The following RIPPLY2 variants were observed in gnomAD, a reference collection of about 807,000 sequenced individuals.
The protein encoded by RIPPLY2 is ripply transcriptional repressor 2, also known as protein ripply2.
In RIPPLY2, 20 loss-of-function variants were observed where a neutral mutation model predicts 17.7. The ratio of observed to expected loss-of-function variants is 1.13; its 90% confidence interval spans 0.79 to 1.64. The LOEUF is 1.64. Ranked by LOEUF, RIPPLY2 falls within the 40% of genes most tolerant of loss-of-function variation. RIPPLY2 has a pLI of 0.00. For missense variants in RIPPLY2, 213 were observed against 169.8 expected, an observed-to-expected ratio of 1.25 and a Z score of -1.41; for synonymous variants, 69 against 63.9, an observed-to-expected ratio of 1.08 and a Z score of -0.38.
chr6:83,857,164 G>T (rs1331126651), intron 3 of RIPPLY2, 78 bp from the exon 4 acceptor site: 4 of 902,302 alleles, frequency 4.4e-6, no homozygotes, highest in Non-Finnish European at 6.4e-6. Context: ...AATATATGGA[G>T]CTCTTGAAAT....
intron 1 of RIPPLY2, 76 bp downstream of exon 1, chr6:83,853,587 T>C: frequency 1.3e-6 from 2 of 1,537,024 alleles, no homozygotes; most frequent in Non-Finnish European, 8.7e-7. Flanking sequence ...GCTCCTCCCC[T>C]CCAACTCTCC....
rs555245644 is a variant in RIPPLY2 at position 83,854,167 on chromosome 6, T to C, written c.239+6T>C. 1.2e-6 allele frequency: 2 copies of C among 1,613,268 alleles called. No individual in the cohort carries two copies. Among genetic ancestry groups the C allele is most frequent in the Admixed American group, 3.3e-5 (2 of 60,022 alleles). ...CAATTCAGGCACCCAGTCAGGTGAG[T>C]GACAGGCCTCGCCGAAGGTCTCCCG... On this transcript the variant is annotated splice_donor_region_variant and intron_variant, in intron 3 of 3. Coordinates refer to ENST00000369689, the MANE Select transcript of RIPPLY2 (RefSeq NM_001009994.3).
Position 83,853,756 on chromosome 6 carries a change from A to G in RIPPLY2, c.157A>G (p.Asn53Asp). Residue 53 changes from asparagine (N) to aspartate (D), a missense_variant, in exon 2 of 4, where the codon AAC becomes GAC. Transcript: ENST00000369689. ...AGGCAAGAAAGAAGAGGAGACGCCG[A>G]ACCACGCCGCGGAGGCGGTGAGTGA... ...AGGKKEEETP[N>D]HAAEAMPDGP... 1 of 1,613,094 alleles carries G rather than the reference A, an allele frequency of 6.2e-7. No homozygotes were observed. Among genetic ancestry groups the G allele is most frequent in the Non-Finnish European group, 8.5e-7 (1 of 1,179,840 alleles).
rs758412345 is a variant in RIPPLY2, at chr6:83,857,369, G to T, written c.367G>T (p.Asp123Tyr). The T allele has an allele frequency of 5.7e-6, 9 of 1,576,428 alleles. No homozygotes were observed. The South Asian group carries it at 1.1e-4, about 19-fold the overall frequency. ...EDSDSEDEIE[D>Y]LTCEN ...TTCTGATAGCGAAGATGAAATTGAG[G>T]ATCTGACCTGTGAAAATTAATCTGA... The change falls in exon 4 of 4, where the codon GAT becomes TAT. Residue 123 changes from aspartate to tyrosine, a missense_variant. Coordinates refer to ENST00000369689, the MANE Select transcript of RIPPLY2 (RefSeq NM_001009994.3).
intron 2 of RIPPLY2, 116 bp downstream of exon 2, chr6:83,853,889 T>A: frequency 9.3e-7 from 1 of 1,070,926 alleles, no homozygotes; most frequent in African/African-American, 1.6e-5. Context: ...GCCTCTCGCT[T>A]AACATCCCGC....
chr6:83,853,803 C>T, intron 2 of RIPPLY2, 30 bp downstream of exon 2: 2 of 1,587,362 alleles, frequency 1.3e-6, no homozygotes, highest in Non-Finnish European at 1.7e-6. Flanking sequence ...CAGGCCGCGC[C>T]TCCCACGGGT....
intron 3 of RIPPLY2, chr6:83,854,585 A>C (rs960694389): frequency 5.9e-6 from 1 of 168,856 alleles, no homozygotes; most frequent in African/African-American, 2.4e-5. Context: ...AAGTTTGCCG[A>C]GTAGGAAAAA....
chr6:83,853,554 T>C (rs1400871923), intron 1 of RIPPLY2, 43 bp downstream of exon 1: 1 of 1,536,234 alleles, frequency 6.5e-7, no homozygotes, highest in East Asian at 2.4e-5. Flanking sequence ...GCTTCCCCCG[T>C]CTCTCCCTCC....
At chr6:83,853,890 A>G in intron 2 of RIPPLY2, 117 bp downstream of exon 2, 1 of 1,071,226 alleles carries the variant, frequency 9.3e-7, no homozygotes, top group East Asian at 2.5e-5. Context: ...CCTCTCGCTT[A>G]ACATCCCGCC....
At chr6:83,854,237 C>A in intron 3 of RIPPLY2, 76 bp downstream of exon 3, 1 of 1,177,832 alleles carries the variant, frequency 8.5e-7, no homozygotes, top group Non-Finnish European at 1.3e-6. Context: ...CGCAGCCCAG[C>A]TCCGCAGCTG....
At position 83,854,084 on chromosome 6, in the gene RIPPLY2, CT is replaced by C; in HGVS notation, c.175-10del. Reference sequence around the variant, plus strand: ...GGTGGGTGATAACTGGATTCACTTCCTTTCCTCTCCAGATGCCCGATGGCCC... The same window carrying C: ...GGTGGGTGATAACTGGATTCACTTCCTTCCTCTCCAGATGCCCGATGGCCC... On this transcript the variant is annotated splice_polypyrimidine_tract_variant and intron_variant, in intron 2 of 3. Transcript: ENST00000369689. The C allele has an allele frequency of 6.2e-7, 1 of 1,613,210 alleles. No homozygotes were observed. Among genetic ancestry groups the C allele is most frequent in the Non-Finnish European group, 8.5e-7 (1 of 1,179,178 alleles).
chr6:83,856,021 T>C (rs2099454932), intron 3 of RIPPLY2: 2 of 152,242 alleles, frequency 1.3e-5, no homozygotes, highest in South Asian at 4.1e-4. Context: ...TTGTTTCTTA[T>C]ATAAGAAATT....
chr6:83,857,471 A>G lies in RIPPLY2; in HGVS notation c.*82A>G, dbSNP rs1046114127. The G allele has an allele frequency of 1.6e-5, 13 of 812,818 alleles. No individual in the cohort carries two copies. The African/African-American group carries it at 2.0e-4, about 13-fold the overall frequency. 50.4% of individuals were successfully genotyped at this position (812,818 alleles called of 1,614,324 possible). On this transcript the variant is annotated 3_prime_UTR_variant, in exon 4 of 4. Coordinates refer to ENST00000369689, the MANE Select transcript of RIPPLY2 (RefSeq NM_001009994.3). ...AAATGTATCATAATTATTTTAAACTAATTTATTTGTATATAAATTATTAAT... is the reference window on the plus strand; with the variant it reads ...AAATGTATCATAATTATTTTAAACTGATTTATTTGTATATAAATTATTAAT...
chr6:83,854,392 A>G, intron 3 of RIPPLY2: 1 of 567,428 alleles, frequency 1.8e-6, no homozygotes, highest in South Asian at 2.2e-5. Context: ...TGATGAATAT[A>G]TTACGAAGAG....
At chr6:83,855,687 C>T (rs974380873) in intron 3 of RIPPLY2, 3 of 152,022 alleles carry the variant, frequency 2.0e-5, no homozygotes, top group Admixed American at 6.5e-5. Context: ...GGCCCAGAGT[C>T]AAGATCTTAA....
chr6:83,856,170 T>C (rs1289319386), intron 3 of RIPPLY2: 1 of 152,250 alleles, frequency 6.6e-6, no homozygotes, highest in East Asian at 1.9e-4. Context: ...CCATGATTTA[T>C]TCATCTTTAA....
intron 3 of RIPPLY2, 113 bp downstream of exon 3, chr6:83,854,274 G>C (rs2099454658): frequency 1.2e-6 from 1 of 841,346 alleles, no homozygotes. Context: ...CTCTCTCTCT[G>C]AAAATCTGGC....
rs901391470 is a variant in RIPPLY2, at chr6:83,853,760, A to G, written c.161A>G (p.His54Arg). ...AAGAAAGAAGAGGAGACGCCGAACC[A>G]CGCCGCGGAGGCGGTGAGTGAGCCA... ...GGKKEEETPN[H>R]AAEAMPDGPG... The change falls in exon 2 of 4, where the codon CAC (histidine) becomes CGC (arginine). Residue 54 changes from histidine (H) to arginine (R), a missense_variant. By Grantham distance (29) the His-to-Arg change is conservative (BLOSUM62 0). Transcript: ENST00000369689. 2.5e-6 allele frequency: 4 copies of G among 1,612,792 alleles called. No individual in the cohort carries two copies. In the African/African-American group the frequency reaches 5.3e-5, roughly 22 times the overall value.
At chr6:83,856,982 A>G (rs1408937618) in intron 3 of RIPPLY2, 4 of 198,856 alleles carry the variant, frequency 2.0e-5, no homozygotes, top group African/African-American at 9.2e-5. Flanking sequence ...GATCTTATGC[A>G]TATCCAGGGT....
Sources: allele counts gnomAD v4.1 joint callset, GRCh38; gene constraint gnomAD v4.1.1; transcripts MANE v1.5; gene names NCBI Gene and HGNC (gene_info 2026-07-23, HGNC 2026-07-21).